Variants in PPP1R2 observed in about 807,000 individuals in gnomAD.
PPP1R2 encodes protein phosphatase inhibitor 2.
PPP1R2 carries 16 observed loss-of-function variants against 29.9 expected under a neutral mutation model. The ratio of observed to expected loss-of-function variants is 0.53; its 90% confidence interval spans 0.36 to 0.81. The LOEUF is 0.81. Among genes scored for constraint, PPP1R2 ranks in the 30% least tolerant of loss-of-function variants. The probability of loss-of-function intolerance (pLI) is 0.00; values close to 1 mark genes in which losing one functional copy is unlikely to be tolerated. For missense variants in PPP1R2, 197 were observed against 252.7 expected, an observed-to-expected ratio of 0.78 and a Z score of 1.49; for synonymous variants, 76 against 91.5, an observed-to-expected ratio of 0.83 and a Z score of 0.96.
chr3:195,533,289 G>C (rs564751145), intron 1 of PPP1R2, among the ~76,000 whole-genome samples: 13 of 151,128 alleles, frequency 8.6e-5, no homozygotes, highest in African/African-American at 3.2e-4. Context: ...GGGTTGCAGT[G>C]AGCAGAGATC....
In PPP1R2 at chr3:195,542,928, C is replaced by A. The variant is rs1015648636; in HGVS notation, c.98G>T (p.Arg33Leu). The change falls in exon 1 of 6, where the codon CGC becomes CTC. Residue 33 changes from arginine to leucine, a missense_variant. Arg to Leu is a moderately radical substitution (Grantham distance 102, BLOSUM62 -2). Around this residue, in one of 3 missense-constraint regions of PPP1R2, gnomAD observed 54 missense variants for 60.6 expected, o/e 0.89. Transcript: ENST00000618156. Reference protein sequence around the residue: ...SSMVASAEQPRGNVDEELSKK... With the variant: ...SSMVASAEQPLGNVDEELSKK... ...CCTCAGCTCCTCGTCGACATTCCCG[C>A]GGGGCTGTTCGGCCGACGCCACCAT... 1.2e-6 allele frequency: 2 copies of A among 1,602,420 alleles called. No homozygotes were observed. The highest frequency in any genetic ancestry group is 2.7e-5 in the African/African-American group (2 of 74,708).
intron 1 of PPP1R2, among the ~76,000 whole-genome samples, chr3:195,533,789 G>C (rs779188883): frequency 6.6e-6 from 1 of 152,152 alleles, no homozygotes; most frequent in Non-Finnish European, 1.5e-5. Context: ...TGTGAGTGCA[G>C]GATTGTACAA....
In PPP1R2 at chr3:195,523,803, TACAAAGAAATTA is replaced by T; in HGVS notation, c.309-29_309-18del. 6.3e-7 allele frequency: 1 copy of T among 1,597,858 alleles called. No homozygotes were observed. Among genetic ancestry groups the T allele is most frequent in the Non-Finnish European group, 8.6e-7 (1 of 1,165,650 alleles). On this transcript the variant is annotated intron_variant, in intron 3 of 5. Coordinates refer to ENST00000618156, the MANE Select transcript of PPP1R2 (RefSeq NM_006241.8). ...GCAGCTAATCTATGCAACAATCATG[TACAAAGAAATTA>T]ACAGTGATGTTTTGATATTATTTAA...
At position 195,543,099 on chromosome 3, in the gene PPP1R2, A is replaced by G; in HGVS notation, c.-74T>C. 6.7e-7 allele frequency: 1 copy of G among 1,492,562 alleles called. No homozygotes were observed. The highest frequency in any genetic ancestry group is 9.0e-7 in the Non-Finnish European group (1 of 1,116,682). The allele number at this position is 1,492,562 out of a possible 1,614,324, so 92.5% of individuals were successfully genotyped here. ...CCGCGAAGAGAAGGGTCGGCACAGC[A>G]GAGACTCGCAGGCAGCCGCAGATCC... On this transcript the variant is annotated 5_prime_UTR_variant, in exon 1 of 6. Transcript: ENST00000618156.
At chr3:195,539,782 G>A (rs1236742548) in intron 1 of PPP1R2, among the ~76,000 whole-genome samples, 2 of 152,046 alleles carry the variant, frequency 1.3e-5, no homozygotes, top group Non-Finnish European at 2.9e-5. Context: ...CCTCAATGAT[G>A]GTTTGATCGG....
At chr3:195,522,170 T>C (rs1488049656) in intron 4 of PPP1R2, among the ~76,000 whole-genome samples, 2 of 152,152 alleles carry the variant, frequency 1.3e-5, no homozygotes, top group African/African-American at 4.8e-5. Flanking sequence ...CACCAAAATA[T>C]TTTTACAGCT....
At chr3:195,529,473 GGAA>G in intron 2 of PPP1R2, 1 of 185,322 alleles carries the variant, frequency 5.4e-6, no homozygotes, top group Non-Finnish European at 1.1e-5. Flanking sequence ...TTTCTACTTG[GGAA>G]GCAAACAAGC....
In PPP1R2 at chr3:195,515,542, C is replaced by T. The variant is rs1718513471; in HGVS notation, c.*1354G>A. On this transcript the variant is annotated 3_prime_UTR_variant, in exon 6 of 6. Transcript: ENST00000618156. ...AAATGAAACCATAACTAAACCAAGA[C>T]ACACAGGGCTTTCCTGCACTTGGTT... 6.6e-6 allele frequency: 1 copy of T among 152,512 alleles called. No individual in the cohort carries two copies. Among genetic ancestry groups the T allele is most frequent in the Non-Finnish European group, 1.5e-5 (1 of 67,994 alleles). The allele number at this position is 152,512 out of a possible 1,614,324, so 9.4% of individuals were successfully genotyped here.
intron 5 of PPP1R2, among the ~76,000 whole-genome samples, chr3:195,517,991 T>A: frequency 6.6e-6 from 1 of 152,310 alleles, no homozygotes; most frequent in South Asian, 2.1e-4. Flanking sequence ...AATACAATAA[T>A]TATTTAATTT....
chr3:195,525,005 T>C (rs1393021988), intron 2 of PPP1R2, 109 bp from the exon 3 acceptor site: 3 of 868,720 alleles, frequency 3.5e-6, no homozygotes, highest in South Asian at 1.5e-5. Flanking sequence ...AATATATTTA[T>C]AGCTCTGTTG....
At position 195,541,549 on chromosome 3, in the gene PPP1R2, G is replaced by A. The variant is rs149997683; in HGVS notation, c.122+1355C>T. ...TGGGATCAAGCAATCCTCCCACCTT[G>A]GCCTCTCCAAGTGCTGAGATTACAG... On this transcript the variant is annotated intron_variant, in intron 1 of 5. Transcript: ENST00000618156. Among the ~76,000 whole-genome samples, 682 of 146,476 alleles carry A rather than the reference G, an allele frequency of 4.7e-3. 2 individuals are homozygous for A. Among genetic ancestry groups the A allele is most frequent in the Non-Finnish European group, 7.8e-3 (525 of 67,158 alleles).
At chr3:195,537,409 ATTTTTTT>A (rs908018083) in intron 1 of PPP1R2, among the ~76,000 whole-genome samples, 20 of 150,974 alleles carry the variant, frequency 1.3e-4, no homozygotes, top group African/African-American at 4.6e-4. Context: ...TGCCATACAG[ATTTTTTT>A]TTAAAAAAAG....
chr3:195,538,498 A>T (rs1719474717), intron 1 of PPP1R2, among the ~76,000 whole-genome samples: 2 of 140,324 alleles, frequency 1.4e-5, no homozygotes, highest in Non-Finnish European at 3.1e-5. Context: ...AATTACAAGT[A>T]AGCAAAAAGT....
chr3:195,529,602 G>A (rs1041057675), intron 2 of PPP1R2, 192 bp downstream of exon 2: 1 of 457,316 alleles, frequency 2.2e-6, no homozygotes, highest in East Asian at 3.6e-5. Context: ...TGTACAAAAT[G>A]GCTTTCTTAA....
intron 5 of PPP1R2, 149 bp downstream of exon 5, chr3:195,518,869 T>A: frequency 1.7e-6 from 2 of 1,197,318 alleles, no homozygotes; most frequent in Non-Finnish European, 2.3e-6. Flanking sequence ...AAATTGGCCA[T>A]GCGGGTTAAA....
chr3:195,531,191 G>C (rs972337024), intron 1 of PPP1R2, among the ~76,000 whole-genome samples: 1 of 152,156 alleles, frequency 6.6e-6, no homozygotes, highest in Non-Finnish European at 1.5e-5. Flanking sequence ...TAAGGTGCTC[G>C]ATAATTAAAT....
chr3:195,529,970 A>C (rs1008623538), intron 1 of PPP1R2, 69 bp from the exon 2 acceptor site: 4 of 1,098,664 alleles, frequency 3.6e-6, no homozygotes, highest in Admixed American at 2.4e-5. Context: ...AAAATTCACA[A>C]ATGTCCAAAT....
intron 2 of PPP1R2, among the ~76,000 whole-genome samples, chr3:195,528,189 T>C (rs953422610): frequency 1.3e-5 from 2 of 152,188 alleles, no homozygotes; most frequent in Non-Finnish European, 2.9e-5. Context: ...ATCATTCTTA[T>C]GCCTTTGCTT....
intron 1 of PPP1R2, among the ~76,000 whole-genome samples, chr3:195,530,446 C>G (rs1294283803): frequency 1.3e-5 from 2 of 152,180 alleles, no homozygotes; most frequent in Non-Finnish European, 2.9e-5. Context: ...TATTTCTAAT[C>G]TAGAAAAATA....
Sources: gnomAD v4.1 joint callset for allele counts (sites outside exome capture counted in the v4.1 genomes callset) on GRCh38, gnomAD v4.1.1 for gene constraint, gnomAD v4.1.1 regional missense constraint, MANE v1.5 for transcripts, NCBI Gene and HGNC (gene_info 2026-07-23, HGNC 2026-07-21) for gene names.